DROSHA: variants seen among roughly 807,000 people sequenced by gnomAD.
DROSHA encodes drosha ribonuclease III.
Under a neutral mutation model 181.9 loss-of-function variants are expected in DROSHA, and 56 were observed. The ratio of observed to expected loss-of-function variants is 0.31; its 90% CI spans 0.25 to 0.38. The LOEUF (loss-of-function observed/expected upper bound fraction) is 0.38. DROSHA is among the 10% of genes least tolerant of loss of function. DROSHA has a pLI of 1.00. For missense variants in DROSHA, 1,218 were observed against 1,743.5 expected (o/e 0.70, Z 5.37); for synonymous variants, 524 against 591.2 (o/e 0.89, Z 1.65).
intron 17 of DROSHA, among the ~76,000 whole-genome samples, chr5:31,469,810 TA>T (rs1415298384): frequency 1.3e-5 from 2 of 152,170 alleles, no homozygotes; most frequent in Non-Finnish European, 2.9e-5. Flanking sequence ...TGTTTAAGAA[TA>T]AAAAATGACA....
chr5:31,444,212 A>ACTGATAG (rs1239931772), intron 23 of DROSHA, among the ~76,000 whole-genome samples: 1 of 152,146 alleles, frequency 6.6e-6, no homozygotes, highest in African/African-American at 2.4e-5. Flanking sequence ...CCAGCTGTGG[A>ACTGATAG]CTGATAGCTG....
At chr5:31,420,223 C>G (rs1344019389) in intron 30 of DROSHA, among the ~76,000 whole-genome samples, 1 of 152,174 alleles carries the variant, frequency 6.6e-6, no homozygotes, top group African/African-American at 2.4e-5. Flanking sequence ...TGTAGAGATG[C>G]AAAGTTTGAA....
At chr5:31,477,387 CTG>C (rs1750511199) in intron 16 of DROSHA, among the ~76,000 whole-genome samples, 1 of 152,194 alleles carries the variant, frequency 6.6e-6, no homozygotes, top group South Asian at 2.1e-4. Context: ...GACTGCGTTT[CTG>C]TGTCTTCTGG....
chr5:31,454,690 C>T (rs536717347), intron 20 of DROSHA, among the ~76,000 whole-genome samples: 3 of 152,110 alleles, frequency 2.0e-5, no homozygotes, highest in Admixed American at 1.3e-4. Flanking sequence ...CCTGTAATCC[C>T]AGCACTGTGG....
At position 31,468,043 on chromosome 5, in the gene DROSHA, G is replaced by A. The variant is rs764264443; in HGVS notation, c.2262C>T (p.Ile754=). ...NPGTKPSSVR[I]DQLDREQFNP... is the part of the protein sequence containing the mutation. ...TGAACTGTTCACGATCCAGTTGATC[G>A]ATACGGACAGAGCTTGGTTTCTAGA... Residue 754 remains isoleucine, a synonymous_variant, in exon 18 of 36, where the codon ATC becomes ATT. Transcript: ENST00000344624. The A allele has an allele frequency of 7.4e-6, 12 of 1,610,828 alleles. No individual in the cohort carries two copies. In the East Asian group the frequency reaches 8.9e-5, roughly 12 times the overall value.
At chr5:31,505,151 G>C (rs1362190466) in intron 10 of DROSHA, among the ~76,000 whole-genome samples, 1 of 152,160 alleles carries the variant, frequency 6.6e-6, no homozygotes, top group African/African-American at 2.4e-5. Flanking sequence ...CTCTTTCTCT[G>C]AATTTGTTTT....
intron 16 of DROSHA, among the ~76,000 whole-genome samples, chr5:31,481,089 T>C (rs1750982719): frequency 6.7e-6 from 1 of 150,112 alleles, no homozygotes; most frequent in African/African-American, 2.5e-5. Context: ...TGAAAATATA[T>C]ATCAAAATGT....
chr5:31,426,228 C>T (rs1428036307), intron 27 of DROSHA, among the ~76,000 whole-genome samples: 2 of 151,702 alleles, frequency 1.3e-5, no homozygotes, highest in Non-Finnish European at 1.5e-5. Flanking sequence ...TTCTGCTGCA[C>T]CTTGGTGTCA....
chr5:31,458,223 T>A (rs1747893859), intron 20 of DROSHA, among the ~76,000 whole-genome samples: 1 of 152,200 alleles, frequency 6.6e-6, no homozygotes, highest in Non-Finnish European at 1.5e-5. Flanking sequence ...CAACCTACTC[T>A]GGGTTTACGG....
intron 17 of DROSHA, among the ~76,000 whole-genome samples, chr5:31,471,418 T>TA (rs1189418233): frequency 1.3e-5 from 2 of 152,144 alleles, no homozygotes; most frequent in African/African-American, 2.4e-5. Context: ...AAGAAAATGT[T>TA]ATGTCTTTAT....
In DROSHA at chr5:31,531,512, A is replaced by G. The variant is rs17409803; in HGVS notation, c.-236T>C. On this transcript the variant is annotated 5_prime_UTR_variant, in exon 2 of 36. Transcript: ENST00000344624. Reference sequence around the variant, plus strand: ...TCGGTTGCGGTTTGGAAACAGAGACACTGAAGGAGCTGTCTTGAATAGTTA... The same window carrying G: ...TCGGTTGCGGTTTGGAAACAGAGACGCTGAAGGAGCTGTCTTGAATAGTTA... The G allele has an allele frequency of 0.19, 28,471 of 152,228 alleles. 3,451 individuals carry two copies. The highest frequency in any genetic ancestry group is 0.27 in the Non-Finnish European group (18,693 of 67,996). 9.4% of individuals were successfully genotyped at this position (152,228 alleles called of 1,614,324 possible).
intron 4 of DROSHA, among the ~76,000 whole-genome samples, chr5:31,528,754 T>C (rs1185334895): frequency 6.6e-6 from 1 of 152,176 alleles, no homozygotes. Flanking sequence ...CCTACAATAA[T>C]TACAATCCAC....
At chr5:31,528,978 C>G in intron 4 of DROSHA, 62 bp downstream of exon 4, 1 of 1,600,662 alleles carries the variant, frequency 6.2e-7, no homozygotes, top group South Asian at 1.1e-5. Flanking sequence ...TATAGCCCAG[C>G]ACCAATGTCT....
chr5:31,431,760 T>C, intron 25 of DROSHA, 82 bp from the exon 26 acceptor site: 1 of 1,348,746 alleles, frequency 7.4e-7, no homozygotes, highest in South Asian at 1.2e-5. Flanking sequence ...TTGCAGAGAG[T>C]TGGTGCGGAG....
At chr5:31,464,022 G>A (rs2150024403) in intron 20 of DROSHA, 2 of 557,178 alleles carry the variant, frequency 3.6e-6, no homozygotes, top group Non-Finnish European at 3.2e-6. Flanking sequence ...CCCTGCCCCA[G>A]CACCCACAAA....
At chr5:31,454,426 T>C (rs1323552805) in intron 20 of DROSHA, among the ~76,000 whole-genome samples, 3 of 152,222 alleles carry the variant, frequency 2.0e-5, no homozygotes, top group African/African-American at 4.8e-5. Context: ...TGTGAAGCCA[T>C]ATTATTTCTT....
At position 31,401,489 on chromosome 5, in the gene DROSHA, C is replaced by T. The variant is rs1170090415; in HGVS notation, c.4068G>A (p.Arg1356=). The T allele has an allele frequency of 6.2e-7, 1 of 1,613,028 alleles. No homozygotes were observed. The highest frequency in any genetic ancestry group is 1.3e-5 in the African/African-American group (1 of 74,872). ...RKYRQELKEM[R]WEREHQEREP... Reference sequence around the variant, plus strand: ...CTCTCTCTTGATGCTCTCTTTCCCACCTCATTTCTTTTAACTCTTGTCTGT... The same window carrying T: ...CTCTCTCTTGATGCTCTCTTTCCCATCTCATTTCTTTTAACTCTTGTCTGT... The change falls in exon 36 of 36, where the codon AGG becomes AGA. Residue 1356 remains arginine, a synonymous_variant. Coordinates refer to ENST00000344624, the MANE Select transcript of DROSHA (RefSeq NM_001382508.1).
chr5:31,464,896 A>G (rs990496478), intron 19 of DROSHA, among the ~76,000 whole-genome samples: 1 of 152,214 alleles, frequency 6.6e-6, no homozygotes, highest in African/African-American at 2.4e-5. Flanking sequence ...AATTGTAAAA[A>G]TAATTGTATA....
At position 31,420,060 on chromosome 5, in the gene DROSHA, T is replaced by C. The variant is rs191547409; in HGVS notation, c.3525+1212A>G. ...TCATCGAGTGAGTGAATGCTAGGCT[T>C]AGAAATTCCACTGAAAAATGACATC... On this transcript the variant is annotated intron_variant, in intron 30 of 35. Coordinates refer to ENST00000344624, the MANE Select transcript of DROSHA (RefSeq NM_001382508.1). Among the ~76,000 whole-genome samples, 9 of 152,280 alleles carry C rather than the reference T, an allele frequency of 5.9e-5. No homozygotes were observed. In the East Asian group the frequency reaches 1.7e-3, roughly 29 times the overall value.
Sources: gnomAD v4.1 joint callset for allele counts (sites outside exome capture counted in the v4.1 genomes callset) on GRCh38, gnomAD v4.1.1 for gene constraint, MANE v1.5 for transcripts, NCBI Gene and HGNC (gene_info 2026-07-23, HGNC 2026-07-21) for gene names.